The following RABGAP1L variants were observed in gnomAD, a reference collection of about 807,000 sequenced individuals.
RABGAP1L encodes the protein RAB GTPase activating protein 1 like.
RABGAP1L carries 63 observed loss-of-function variants against 137.7 expected under a neutral mutation model. That is an observed-to-expected ratio of 0.46 (90% CI 0.37 to 0.56). The LOEUF (loss-of-function observed/expected upper bound fraction) is 0.56. Among genes scored for constraint, RABGAP1L ranks in the 20% least tolerant of loss-of-function variants. The pLI is 0.00. For synonymous variants in RABGAP1L, 431 were observed against 433.7 expected (o/e 0.99, Z 0.08); for missense variants, 1,095 against 1,244.0 (o/e 0.88, Z 1.80).
chr1:174,595,305 C>T (rs1557878723), intron 13 of RABGAP1L, among the ~76,000 whole-genome samples: 1 of 4,524 alleles, frequency 2.2e-4, no homozygotes, highest in Non-Finnish European at 6.2e-4. Flanking sequence ...TTTGAATGTC[C>T]TCCCGTAGCT....
chr1:174,670,503 TTTTTTCCGA>T (rs2148445256), intron 14 of RABGAP1L, among the ~76,000 whole-genome samples: 1 of 152,134 alleles, frequency 6.6e-6, no homozygotes, highest in East Asian at 1.9e-4. Flanking sequence ...TCTTTCTTCT[TTTTTTCCGA>T]TTAATCATCC....
intron 19 of RABGAP1L, chr1:174,892,517 G>A: frequency 2.0e-6 from 1 of 503,748 alleles, no homozygotes; most frequent in South Asian, 1.5e-5. Flanking sequence ...TTTCACAAAA[G>A]TTTCTCCAAG....
At chr1:174,872,480 A>G (rs1476816833) in intron 19 of RABGAP1L, among the ~76,000 whole-genome samples, 2 of 152,112 alleles carry the variant, frequency 1.3e-5, no homozygotes, top group Non-Finnish European at 2.9e-5. Flanking sequence ...GTACACTGCT[A>G]AGAGTAGATA....
chr1:174,970,826 T>C (rs1375747856), intron 21 of RABGAP1L, among the ~76,000 whole-genome samples: 1 of 152,166 alleles, frequency 6.6e-6, no homozygotes, highest in Non-Finnish European at 1.5e-5. Context: ...TTATTTTATC[T>C]ATGTTCACTA....
chr1:174,310,148 A>G (rs553881446), intron 11 of RABGAP1L, among the ~76,000 whole-genome samples: 13 of 152,234 alleles, frequency 8.5e-5, no homozygotes, highest in Non-Finnish European at 1.5e-4. Context: ...CTGTTTGAAT[A>G]TAACGGTCTA....
At chr1:174,195,662 CCT>C (rs1558021247) in intron 1 of RABGAP1L, among the ~76,000 whole-genome samples, 1 of 102,236 alleles carries the variant, frequency 9.8e-6, no homozygotes, top group Non-Finnish European at 1.9e-5. Flanking sequence ...CCTTTCCTTT[CCT>C]TTCCTTTCCT....
chr1:174,161,562 TATGGGG>T (rs1005935325), intron 1 of RABGAP1L, among the ~76,000 whole-genome samples: 26 of 152,086 alleles, frequency 1.7e-4, no homozygotes, highest in African/African-American at 5.3e-4. Flanking sequence ...TAGTAAGTCA[TATGGGG>T]AGAAGTAGAT....
At chr1:174,292,329 CTT>C (rs61636433) in intron 10 of RABGAP1L, among the ~76,000 whole-genome samples, 5,467 of 50,588 alleles carry the variant, frequency 0.11, 177 homozygotes, top group East Asian at 0.27. Context: ...CCTACCTAAT[CTT>C]TTTTTTTTTT....
chr1:174,451,784 C>A (rs1558246348), intron 13 of RABGAP1L, among the ~76,000 whole-genome samples: 1 of 151,852 alleles, frequency 6.6e-6, no homozygotes, highest in Admixed American at 6.6e-5. Flanking sequence ...TTAAAAGTTT[C>A]TTTTATTAAA....
chr1:174,214,841 A>C (rs1669163258), intron 1 of RABGAP1L, among the ~76,000 whole-genome samples: 1 of 152,154 alleles, frequency 6.6e-6, no homozygotes, highest in African/African-American at 2.4e-5. Flanking sequence ...ACAAAATTAA[A>C]ATACATTGAA....
chr1:174,336,018 T>C (rs926957652), intron 11 of RABGAP1L, among the ~76,000 whole-genome samples: 1 of 152,224 alleles, frequency 6.6e-6, no homozygotes, highest in African/African-American at 2.4e-5. Context: ...TCTGCATTTT[T>C]TGTTGTTGTT....
intron 14 of RABGAP1L, among the ~76,000 whole-genome samples, chr1:174,665,280 C>T (rs940208321): frequency 2.6e-5 from 4 of 152,130 alleles, no homozygotes; most frequent in African/African-American, 9.7e-5. Context: ...ATTTAACCTA[C>T]CTTGAATAAA....
intron 19 of RABGAP1L, among the ~76,000 whole-genome samples, chr1:174,887,363 A>G (rs1655337048): frequency 1.3e-5 from 2 of 152,224 alleles, no homozygotes; most frequent in Admixed American, 1.3e-4. Flanking sequence ...AAAATTGCAC[A>G]TGCACAGATT....
At chr1:174,543,920 T>G (rs1030835277) in intron 13 of RABGAP1L, among the ~76,000 whole-genome samples, 7 of 152,172 alleles carry the variant, frequency 4.6e-5, no homozygotes, top group South Asian at 2.1e-4. Context: ...TTGAATATTG[T>G]CCCCCACTGT....
intron 13 of RABGAP1L, among the ~76,000 whole-genome samples, chr1:174,424,765 C>G (rs916278570): frequency 1.3e-5 from 2 of 151,948 alleles, no homozygotes; most frequent in African/African-American, 4.8e-5. Flanking sequence ...GAATTTAACA[C>G]ATTTTATTGA....
intron 19 of RABGAP1L, among the ~76,000 whole-genome samples, chr1:174,903,046 T>A (rs1378207241): frequency 6.6e-6 from 1 of 152,238 alleles, no homozygotes; most frequent in Non-Finnish European, 1.5e-5. Flanking sequence ...GGGATTTATA[T>A]TTCAAATTCA....
chr1:174,635,912 A>G (rs1466160587), intron 13 of RABGAP1L, among the ~76,000 whole-genome samples: 1 of 152,228 alleles, frequency 6.6e-6, no homozygotes, highest in Non-Finnish European at 1.5e-5. Context: ...AATGGCATTC[A>G]TTAAAATAAC....
chr1:174,250,552 T>G lies in RABGAP1L; in HGVS notation c.795T>G (p.Val265=). The G allele has an allele frequency of 6.2e-7, 1 of 1,613,952 alleles. No individual in the cohort carries two copies. Among genetic ancestry groups the G allele is most frequent in the Non-Finnish European group, 8.5e-7 (1 of 1,179,858 alleles). Residue 265 remains valine, a synonymous_variant, in exon 6 of 26, where the codon GTT becomes GTG. Coordinates refer to ENST00000681986, the MANE Select transcript of RABGAP1L (RefSeq NM_001366446.1). ...AAGTGTCTGATGTTAAAGACTCAGT[T>G]ATTCCTACCCCCGACAGTGATGTGT... The part of the protein sequence containing the change: ...SRQVSDVKDS[V]IPTPDSDVFT...
At chr1:174,361,664 T>C (rs1177558791) in intron 11 of RABGAP1L, among the ~76,000 whole-genome samples, 2 of 152,236 alleles carry the variant, frequency 1.3e-5, no homozygotes, top group African/African-American at 4.8e-5. Flanking sequence ...TTATCAGTTC[T>C]AGTGGTTTTT....
Sources: gnomAD v4.1 joint callset for allele counts (sites outside exome capture counted in the v4.1 genomes callset) on GRCh38, gnomAD v4.1.1 for gene constraint, MANE v1.5 for transcripts, NCBI Gene and HGNC (gene_info 2026-07-23, HGNC 2026-07-21) for gene names.